Variants in FILIP1L observed in about 807,000 individuals in gnomAD.
FILIP1L encodes the protein filamin A-interacting protein 1-like.
In FILIP1L, 55 loss-of-function variants were observed where a neutral mutation model predicts 96.6. That is an observed-to-expected ratio of 0.57 (90% confidence interval 0.46 to 0.71). FILIP1L has a LOEUF of 0.71. FILIP1L is among the 30% of genes least tolerant of loss of function. FILIP1L has a pLI of 0.00. For missense variants in FILIP1L, 1,304 were observed against 1,321.2 expected, an observed-to-expected ratio of 0.99 and a Z score of 0.20; for synonymous variants, 467 against 473.9, an observed-to-expected ratio of 0.99 and a Z score of 0.19.
At chr3:100,057,077 A>G (rs1309442860) in intron 1 of FILIP1L, among the ~76,000 whole-genome samples, 1 of 152,136 alleles carries the variant, frequency 6.6e-6, no homozygotes, top group Non-Finnish European at 1.5e-5. Flanking sequence ...AATGATTGGC[A>G]GGCTCAGGGC....
chr3:99,997,769 A>G (rs1300998646), intron 1 of FILIP1L, among the ~76,000 whole-genome samples: 1 of 152,236 alleles, frequency 6.6e-6, no homozygotes, highest in African/African-American at 2.4e-5. Flanking sequence ...AAAAGATAAA[A>G]TAAGAATAGC....
At chr3:99,987,155 A>C (rs1001518649) in intron 1 of FILIP1L, among the ~76,000 whole-genome samples, 1 of 151,576 alleles carries the variant, frequency 6.6e-6, no homozygotes, top group African/African-American at 2.4e-5. Flanking sequence ...ACTTAAGCCC[A>C]GGAGGTTGAG....
chr3:99,908,498 G>A (rs949818755), intron 4 of FILIP1L, among the ~76,000 whole-genome samples: 3 of 152,186 alleles, frequency 2.0e-5, no homozygotes, highest in Non-Finnish European at 4.4e-5. Flanking sequence ...GTCTCCCCAG[G>A]CAATAATGAT....
At chr3:100,102,263 C>T (rs2066322374) in intron 1 of FILIP1L, among the ~76,000 whole-genome samples, 2 of 152,212 alleles carry the variant, frequency 1.3e-5, no homozygotes, top group Non-Finnish European at 2.9e-5. Flanking sequence ...CCTATTTCTC[C>T]ACATCCTCTC....
chr3:100,015,808 A>G (rs947920604), intron 1 of FILIP1L, among the ~76,000 whole-genome samples: 4 of 152,196 alleles, frequency 2.6e-5, no homozygotes, highest in Admixed American at 6.5e-5. Context: ...AAATGAGAGG[A>G]GGGACTACTG....
chr3:100,024,527 G>A (rs1203526795), intron 1 of FILIP1L, among the ~76,000 whole-genome samples: 1 of 152,036 alleles, frequency 6.6e-6, no homozygotes, highest in Non-Finnish European at 1.5e-5. Flanking sequence ...ACCTTTCATA[G>A]GAAGCAACTG....
At chr3:99,975,822 G>C (rs1708953111) in intron 1 of FILIP1L, among the ~76,000 whole-genome samples, 1 of 152,184 alleles carries the variant, frequency 6.6e-6, no homozygotes. Flanking sequence ...GGAAAGTTTA[G>C]AACAATCAAC....
At chr3:99,956,941 A>C (rs931470899) in intron 1 of FILIP1L, among the ~76,000 whole-genome samples, 1 of 152,128 alleles carries the variant, frequency 6.6e-6, no homozygotes, top group Non-Finnish European at 1.5e-5. Flanking sequence ...TTCCAAATCC[A>C]GGAACCTCTT....
chr3:99,888,955 A>G (rs1705998606), intron 4 of FILIP1L, among the ~76,000 whole-genome samples: 1 of 152,058 alleles, frequency 6.6e-6, no homozygotes, highest in South Asian at 2.1e-4. Context: ...CTTTTTTGTC[A>G]TTGATTACAT....
chr3:99,925,794 T>G lies in FILIP1L; in HGVS notation c.427-1386A>C, dbSNP rs545305886. ...ACCTCATAAAGGAAGAACCAGGCAG[T>G]AAAGAACATGCCAGTGGCCAAAAGC... is the stretch of plus-strand genomic sequence containing the variant. On this transcript the variant is annotated intron_variant, in intron 3 of 5. Transcript: ENST00000477258. 67 of 945,616 alleles carry G rather than the reference T, an allele frequency of 7.1e-5. No homozygotes were observed. In the Admixed American group the frequency reaches 7.4e-4, roughly 10 times the overall value. 58.6% of individuals were successfully genotyped at this position (945,616 alleles called of 1,614,324 possible). A position where few individuals can be genotyped will look rare whatever the true frequency, so the allele number is the denominator to read the frequency against.
intron 1 of FILIP1L, among the ~76,000 whole-genome samples, chr3:100,007,888 C>T (rs1454963543): frequency 6.6e-6 from 1 of 152,150 alleles, no homozygotes; most frequent in Non-Finnish European, 1.5e-5. Flanking sequence ...CTTATAGTCT[C>T]TCACCCACTG....
chr3:100,106,157 C>CAG (rs1194179082), intron 1 of FILIP1L, among the ~76,000 whole-genome samples: 1 of 152,112 alleles, frequency 6.6e-6, no homozygotes, highest in Non-Finnish European at 1.5e-5. Context: ...ACAGATACCA[C>CAG]ATAGTAAATC....
At chr3:100,003,400 T>C (rs547473842) in intron 1 of FILIP1L, among the ~76,000 whole-genome samples, 1 of 152,318 alleles carries the variant, frequency 6.6e-6, no homozygotes, top group Admixed American at 6.5e-5. Flanking sequence ...CTTCTTAGCT[T>C]CAGTTTAACC....
intron 1 of FILIP1L, among the ~76,000 whole-genome samples, chr3:100,014,898 T>TTTTTTTTTTTTTTTTTTTTTTTTTC (rs1710291087): frequency 2.7e-5 from 3 of 110,410 alleles, no homozygotes; most frequent in Non-Finnish European, 5.9e-5. Context: ...TTTCTTTCTT[T>TTTTTTTTTTTTTTTTTTTTTTTTTC]TTTTTTTTTT....
intron 5 of FILIP1L, among the ~76,000 whole-genome samples, chr3:99,835,267 A>G (rs148886862): frequency 2.9e-4 from 44 of 152,254 alleles, no homozygotes; most frequent in Non-Finnish European, 6.0e-4. Flanking sequence ...TATCCTCCTT[A>G]TGCTACTTTG....
chr3:100,055,853 A>C (rs956801151), intron 1 of FILIP1L, among the ~76,000 whole-genome samples: 1 of 152,226 alleles, frequency 6.6e-6, no homozygotes, highest in African/African-American at 2.4e-5. Context: ...CCACAATATG[A>C]AGGGTAGATA....
chr3:100,074,730 G>C (rs1472593394), intron 1 of FILIP1L, among the ~76,000 whole-genome samples: 3 of 80,286 alleles, frequency 3.7e-5, no homozygotes, highest in Non-Finnish European at 6.7e-5. Context: ...GTCTCACTCT[G>C]TTGTCCAGGC....
intron 1 of FILIP1L, among the ~76,000 whole-genome samples, chr3:100,010,589 A>T (rs565870160): frequency 2.7e-5 from 4 of 150,890 alleles, no homozygotes; most frequent in African/African-American, 9.7e-5. Context: ...AAAGCATTCT[A>T]TATCATCTGA....
At chr3:100,025,329 A>G (rs1289726228) in intron 1 of FILIP1L, 3 of 152,168 alleles carry the variant, frequency 2.0e-5, no homozygotes, top group African/African-American at 7.2e-5. Context: ...GTTTGTATTT[A>G]TTTGATCACA....
Sources: gnomAD v4.1 joint callset for allele counts (sites outside exome capture counted in the v4.1 genomes callset) on GRCh38, gnomAD v4.1.1 for gene constraint, MANE v1.5 for transcripts, NCBI Gene and HGNC (gene_info 2026-07-23, HGNC 2026-07-21) for gene names.